IL1RN: variants seen among roughly 807,000 people sequenced by gnomAD.
IL1RN encodes interleukin 1 receptor antagonist.
Under a neutral mutation model 13.7 loss-of-function variants are expected in IL1RN, and 10 were observed. That is an observed-to-expected ratio of 0.73 (90% CI 0.45 to 1.24). IL1RN has a LOEUF of 1.24. IL1RN is among the 50% of genes most tolerant of loss of function. The pLI, the probability that IL1RN is intolerant of heterozygous loss-of-function variation, is 0.00. For synonymous variants in IL1RN, 102 were observed against 82.7 expected (o/e 1.23, Z -1.27); for missense variants, 213 against 222.1 (o/e 0.96, Z 0.26).
upstream of IL1RN, among the ~76,000 whole-genome samples, chr2:113,115,008 C>G (rs1034493217): frequency 1.3e-5 from 2 of 152,108 alleles, no homozygotes; most frequent in Non-Finnish European, 2.9e-5. Context: ...GTTTCACAAG[C>G]TGAGTCTGGA....
chr2:113,111,615 T>C (rs1217117316), intron 1 of IL1RN, among the ~76,000 whole-genome samples: 4 of 152,220 alleles, frequency 2.6e-5, no homozygotes, highest in Non-Finnish European at 5.9e-5. Flanking sequence ...TGTGGGTATA[T>C]AAAGGCCTGG....
In IL1RN at chr2:113,132,945, G is replaced by T. The variant is rs1302524875; in HGVS notation, c.*74G>T. 4 of 1,462,036 alleles carry T rather than the reference G, an allele frequency of 2.7e-6. No homozygotes were observed. Among genetic ancestry groups the T allele is most frequent in the Non-Finnish European group, 3.8e-6 (4 of 1,043,476 alleles). 90.6% of individuals were successfully genotyped at this position (1,462,036 alleles called of 1,614,324 possible). A position where few individuals can be genotyped will look rare whatever the true frequency, so the allele number is the denominator to read the frequency against. ...GGACTGCCAGTCCCCCTGCCCCAGG[G>T]CTCCCGGCTATGGGGGCACTGAGGA... On this transcript the variant is annotated 3_prime_UTR_variant, in exon 4 of 4. Transcript: ENST00000409930.
upstream of IL1RN, among the ~76,000 whole-genome samples, chr2:113,123,440 C>G (rs970337448): frequency 4.6e-5 from 7 of 152,134 alleles, no homozygotes; most frequent in Admixed American, 2.0e-4. Context: ...CAGGGAGGGT[C>G]CCTGATAATC....
upstream of IL1RN, among the ~76,000 whole-genome samples, chr2:113,124,625 C>A (rs1686893178): frequency 6.6e-6 from 1 of 152,110 alleles, no homozygotes; most frequent in Non-Finnish European, 1.5e-5. Flanking sequence ...TGAGTATTTC[C>A]CAAGTGCCAG....
chr2:113,121,534 C>T, intron 2 of IL1RN: 1 of 985,360 alleles, frequency 1.0e-6, no homozygotes, highest in Non-Finnish European at 1.2e-6. Flanking sequence ...TAAGTAATGA[C>T]TTTCAGTGCA....
At chr2:113,103,942 G>A (rs901181556), upstream of IL1RN, among the ~76,000 whole-genome samples, 3 of 151,558 alleles carry the variant, frequency 2.0e-5, no homozygotes, top group African/African-American at 4.8e-5. Flanking sequence ...TACCTACAAG[G>A]TTTTTAGTTC....
intron 2 of IL1RN, among the ~76,000 whole-genome samples, chr2:113,121,080 C>T (rs1417892279): frequency 4.2e-5 from 6 of 144,210 alleles, no homozygotes; most frequent in African/African-American, 1.0e-4. Flanking sequence ...TCCTCCTCTT[C>T]TTCTTCTTCT....
intron 2 of IL1RN, among the ~76,000 whole-genome samples, chr2:113,121,116 C>G (rs998270112): frequency 7.1e-6 from 1 of 140,334 alleles, no homozygotes; most frequent in African/African-American, 2.5e-5. Flanking sequence ...TCCTCTTCTT[C>G]CTCTTCCTCT....
chr2:113,119,263 G>A (rs891876592), intron 1 of IL1RN, among the ~76,000 whole-genome samples: 3 of 152,132 alleles, frequency 2.0e-5, no homozygotes, highest in Non-Finnish European at 4.4e-5. Flanking sequence ...CACTTTACAT[G>A]GTTTATCCCA....
upstream of IL1RN, among the ~76,000 whole-genome samples, chr2:113,106,415 TA>T (rs1470018637): frequency 1.3e-5 from 2 of 152,234 alleles, no homozygotes; most frequent in African/African-American, 4.8e-5. Context: ...AATTAGTACA[TA>T]AAATTTAAAT....
At chr2:113,130,133 C>T (rs190915441) in intron 2 of IL1RN, 12 of 182,674 alleles carry the variant, frequency 6.6e-5, no homozygotes, top group Admixed American at 1.1e-4. Flanking sequence ...AAGCTTCACC[C>T]ACTCTGTTCC....
chr2:113,105,004 A>T (rs971435030), upstream of IL1RN, among the ~76,000 whole-genome samples: 4 of 152,244 alleles, frequency 2.6e-5, no homozygotes, highest in African/African-American at 9.6e-5. Context: ...CAGTGTAGTG[A>T]TGTAGATATA....
At chr2:113,106,788 T>C (rs562432186), upstream of IL1RN, among the ~76,000 whole-genome samples, 4 of 152,300 alleles carry the variant, frequency 2.6e-5, no homozygotes, top group East Asian at 3.9e-4. Flanking sequence ...ACCAGACTTA[T>C]CAGATTCAGA....
the IL1RN span, among the ~76,000 whole-genome samples, chr2:113,100,141 T>C: frequency 1.4e-5 from 2 of 145,634 alleles, no homozygotes; most frequent in Admixed American, 6.8e-5. Context: ...GCTAACATGG[T>C]GAAACCCCGT....
chr2:113,100,041 CT>C, the IL1RN span, among the ~76,000 whole-genome samples: 1 of 140,192 alleles, frequency 7.1e-6, no homozygotes, highest in Non-Finnish European at 1.6e-5. Flanking sequence ...GCCCCTCTTC[CT>C]TCTTAAAAGC....
At chr2:113,126,205 G>C (rs763848493), upstream of IL1RN, among the ~76,000 whole-genome samples, 3 of 152,200 alleles carry the variant, frequency 2.0e-5, no homozygotes, top group South Asian at 6.2e-4. Context: ...GCTGAAGGGG[G>C]TGATGTATAT....
chr2:113,121,122 C>T (rs1020401616), intron 2 of IL1RN, among the ~76,000 whole-genome samples: 51 of 137,208 alleles, frequency 3.7e-4, no homozygotes, highest in African/African-American at 1.3e-3. Flanking sequence ...TCTTCCTCTT[C>T]CTCTTATTCT....
chr2:113,129,827 G>T, intron 2 of IL1RN, 163 bp downstream of exon 2: 1 of 645,910 alleles, frequency 1.5e-6, no homozygotes, highest in East Asian at 2.8e-5. Flanking sequence ...CTACTGAAGG[G>T]CACATATGAG....
At chr2:113,126,299 G>A (rs182184846), upstream of IL1RN, among the ~76,000 whole-genome samples, 202 of 152,254 alleles carry the variant, frequency 1.3e-3, 2 homozygotes, top group Admixed American at 0.011. Flanking sequence ...AATAAAGCCC[G>A]GGGCTGGAGG....
Sources: gnomAD v4.1 joint callset for allele counts (sites outside exome capture counted in the v4.1 genomes callset) on GRCh38, gnomAD v4.1.1 for gene constraint, MANE v1.5 for transcripts, NCBI Gene and HGNC (gene_info 2026-07-23, HGNC 2026-07-21) for gene names.